The following SNRK variants were observed in gnomAD, a reference collection of about 807,000 sequenced individuals.
SNRK encodes the protein SNF related kinase.
In SNRK, 3 loss-of-function variants were observed where a neutral mutation model predicts 48.2. The observed-to-expected ratio is 0.06, with a 90% confidence interval of 0.03 to 0.16. SNRK has a LOEUF of 0.16. Among genes scored for constraint, SNRK ranks in the 10% least tolerant of loss-of-function variants. SNRK has a pLI of 1.00. For missense variants in SNRK, 627 were observed against 976.0 expected (o/e 0.64, Z 4.76); for synonymous variants, 376 against 366.1 (o/e 1.03, Z -0.31).
rs1329648419 is a variant in SNRK at position 43,303,835 on chromosome 3, A to G, written c.589+43A>G. On this transcript the variant is annotated intron_variant, in intron 3 of 6. Coordinates refer to ENST00000296088, the MANE Select transcript of SNRK (RefSeq NM_017719.5). The surrounding 1 kb of genome is among the most constrained non-coding windows in gnomAD (Gnocchi z 6.2). ...AGTATTTGGCCATTTGAATTCTGCC[A>G]GCTAGAGTTGGTCAGATCGGTTGTT... is the stretch of plus-strand genomic sequence containing the variant. 1.2e-5 allele frequency: 16 copies of G among 1,363,938 alleles called. No homozygotes were observed. The highest frequency in any genetic ancestry group is 1.6e-5 in the Non-Finnish European group (16 of 972,400). 84.5% of individuals were successfully genotyped at this position (1,363,938 alleles called of 1,614,324 possible).
At chr3:43,307,894 C>T (rs551531787) in intron 3 of SNRK, among the ~76,000 whole-genome samples, 195 of 152,304 alleles carry the variant, frequency 1.3e-3, no homozygotes, top group African/African-American at 4.6e-3. Context: ...GAAAGCTAGG[C>T]TTCTTGCACC....
rs1241628706 is a variant in SNRK at position 43,348,477 on chromosome 3, A to G, written c.2218A>G (p.Ile740Val). The change falls in exon 7 of 7, where the codon ATC becomes GTC. Residue 740 changes from isoleucine (I) to valine (V), a missense_variant. Ile to Val is a conservative substitution (Grantham distance 29). This residue lies in a region of SNRK where 207 missense variants were observed against 234.3 expected (regional missense o/e 0.88). Transcript: ENST00000296088. ...GCAGCTACCTCTGTGCGAAAAGACC[A>G]TCTCTGTGAACATCCAGCGGAACCC... ...VLQLPLCEKT[I>V]SVNIQRNPKE... 1.2e-6 allele frequency: 2 copies of G among 1,602,794 alleles called. No homozygotes were observed. Among genetic ancestry groups the G allele is most frequent in the African/African-American group, 1.3e-5 (1 of 74,374 alleles).
At chr3:43,336,924 T>C (rs964776599) in intron 4 of SNRK, among the ~76,000 whole-genome samples, 2 of 152,058 alleles carry the variant, frequency 1.3e-5, no homozygotes, top group Non-Finnish European at 2.9e-5. Flanking sequence ...GGCTAATTTT[T>C]TGTATTTTTA....
chr3:43,297,276 G>A (rs1328490268), intron 1 of SNRK, among the ~76,000 whole-genome samples: 1 of 152,200 alleles, frequency 6.6e-6, no homozygotes, highest in Non-Finnish European at 1.5e-5. Flanking sequence ...CTGATGAGAA[G>A]TCATCATAGA....
chr3:43,303,898 G>A lies in SNRK; in HGVS notation c.589+106G>A. On this transcript the variant is annotated intron_variant, in intron 3 of 6. Transcript: ENST00000296088. The surrounding 1 kb of genome is among the most constrained non-coding windows in gnomAD (Gnocchi z 6.2). The stretch of plus-strand genomic sequence containing the variant: ...ATTTCTAGAGAATTTCTGTTAAATT[G>A]GCCTTAACTAGCAAATTGGGTTTCA... The A allele has an allele frequency of 1.2e-6, 1 of 842,874 alleles. No individual in the cohort carries two copies. The highest frequency in any genetic ancestry group is 1.9e-6 in the Non-Finnish European group (1 of 539,868). The allele number at this position is 842,874 out of a possible 1,614,324, so 52.2% of individuals were successfully genotyped here.
At chr3:43,332,568 T>C in intron 4 of SNRK, 2 of 261,636 alleles carry the variant, frequency 7.6e-6, no homozygotes, top group Non-Finnish European at 1.4e-5. Flanking sequence ...ATTCAAGAAA[T>C]CTATTACATG....
At chr3:43,309,922 G>A (rs915586058) in intron 3 of SNRK, among the ~76,000 whole-genome samples, 2 of 151,882 alleles carry the variant, frequency 1.3e-5, no homozygotes, top group Admixed American at 6.6e-5. Context: ...TGTGCCCCTC[G>A]TAAAGTATTT....
At chr3:43,289,347 G>A (rs2090791467) in intron 1 of SNRK, among the ~76,000 whole-genome samples, 1 of 152,138 alleles carries the variant, frequency 6.6e-6, no homozygotes, top group African/African-American at 2.4e-5. Context: ...ATCCAAGTGG[G>A]TGAAAGGGAG....
chr3:43,309,824 T>A (rs1376302993), intron 3 of SNRK, among the ~76,000 whole-genome samples: 1 of 152,106 alleles, frequency 6.6e-6, no homozygotes, highest in East Asian at 1.9e-4. Context: ...CTATGTTGCC[T>A]GGGCTGGTCT....
chr3:43,335,449 C>A (rs897794027), intron 4 of SNRK, among the ~76,000 whole-genome samples: 10 of 151,942 alleles, frequency 6.6e-5, no homozygotes, highest in Admixed American at 1.3e-4. Flanking sequence ...CTCTATGGTA[C>A]CAGTGTTGTT....
At chr3:43,312,309 TACA>T (rs1311966640) in intron 3 of SNRK, among the ~76,000 whole-genome samples, 1 of 152,236 alleles carries the variant, frequency 6.6e-6, no homozygotes, top group Non-Finnish European at 1.5e-5. Context: ...ATACACTCTC[TACA>T]ACATTTCTCA....
In SNRK at chr3:43,303,175, C is replaced by T; in HGVS notation, c.-29C>T. 1 of 1,537,240 alleles carries T rather than the reference C, an allele frequency of 6.5e-7. No individual in the cohort carries two copies. On this transcript the variant is annotated 5_prime_UTR_variant, in exon 3 of 7. Coordinates refer to ENST00000296088, the MANE Select transcript of SNRK (RefSeq NM_017719.5). This position sits in a 1 kb window ranked among gnomAD's most constrained non-coding sequence, Gnocchi z 6.2. ...TATGAGAAGATCTATTTTAAACAGT[C>T]TAAATATTTTTTCTTCTGTTGGACC...
rs79375536 is a variant in SNRK, at chr3:43,318,365, A to T, written c.590-13804A>T. On this transcript the variant is annotated intron_variant, in intron 3 of 6. Transcript: ENST00000296088. ...TTTTTAAAATGTTAGATAAAAAAAA[A>T]TGAAAGTCTTGGTGTTTATTTGATA... Among the ~76,000 whole-genome samples, 398 of 151,934 alleles carry T rather than the reference A, an allele frequency of 2.6e-3. 21 individuals are homozygous for T. In the East Asian group the frequency reaches 0.066, roughly 25 times the overall value.
chr3:43,305,761 A>T (rs1340119618), intron 3 of SNRK, among the ~76,000 whole-genome samples: 2 of 152,212 alleles, frequency 1.3e-5, no homozygotes, highest in African/African-American at 2.4e-5. Context: ...CTGGGATTAC[A>T]GGCATGAGCC....
At chr3:43,331,548 G>A (rs929265477) in intron 3 of SNRK, among the ~76,000 whole-genome samples, 1 of 152,124 alleles carries the variant, frequency 6.6e-6, no homozygotes, top group Non-Finnish European at 1.5e-5. Context: ...TATTGTAACG[G>A]CTCCATTGAG....
intron 5 of SNRK, among the ~76,000 whole-genome samples, chr3:43,340,852 T>C (rs1007900136): frequency 6.6e-6 from 1 of 152,198 alleles, no homozygotes; most frequent in Non-Finnish European, 1.5e-5. Flanking sequence ...CCCACAGTGA[T>C]AGGGAGAACA....
At chr3:43,335,122 C>T (rs773428787) in intron 4 of SNRK, among the ~76,000 whole-genome samples, 14 of 152,092 alleles carry the variant, frequency 9.2e-5, no homozygotes, top group Non-Finnish European at 1.8e-4. Flanking sequence ...TGTAGTATTT[C>T]GTGCCACTCA....
intron 3 of SNRK, among the ~76,000 whole-genome samples, chr3:43,326,172 G>T (rs937077082): frequency 6.6e-6 from 1 of 151,970 alleles, no homozygotes; most frequent in Admixed American, 6.5e-5. Context: ...TTTGCACAGG[G>T]CCTTAAAAAG....
rs137878652 is a variant in SNRK, at chr3:43,307,189, C to CTA, written c.589+3400_589+3401dup. Reference sequence around the variant, plus strand: ...TTGCTTTATACATGGTATTGTCAAGCTATAATTGACAATAAAGATATTAAA... The same window carrying CTA: ...TTGCTTTATACATGGTATTGTCAAGCTATATAATTGACAATAAAGATATTAAA... On this transcript the variant is annotated intron_variant, in intron 3 of 6. Coordinates refer to ENST00000296088, the MANE Select transcript of SNRK (RefSeq NM_017719.5). 5.2e-3 allele frequency among the ~76,000 whole-genome samples: 793 copies of CTA among 152,132 alleles called. 5 individuals are homozygous for CTA. The highest frequency in any genetic ancestry group is 0.018 in the African/African-American group (764 of 41,502).
Sources: allele counts gnomAD v4.1 joint callset (sites outside exome capture counted in the v4.1 genomes callset), GRCh38; gene constraint gnomAD v4.1.1; regional missense constraint gnomAD v4.1.1; non-coding constraint Gnocchi (gnomAD v3.1); transcripts MANE v1.5; gene names NCBI Gene and HGNC (gene_info 2026-07-23, HGNC 2026-07-21).